The following GEMIN2 variants were observed in gnomAD, a reference collection of about 807,000 sequenced individuals.
GEMIN2 encodes gem nuclear organelle associated protein 2, also known as gem-associated protein 2.
Under a neutral mutation model 45.8 loss-of-function variants are expected in GEMIN2, and 37 were observed. The observed-to-expected ratio is 0.81, with a 90% CI of 0.62 to 1.06. GEMIN2 has a LOEUF of 1.06. GEMIN2 is among the 50% of genes least tolerant of loss of function. The pLI is 0.00. For missense variants in GEMIN2, 335 were observed against 321.8 expected, an observed-to-expected ratio of 1.04 and a Z score of -0.31; for synonymous variants, 101 against 111.5, an observed-to-expected ratio of 0.91 and a Z score of 0.60.
Position 39,133,666 on chromosome 14 carries a change from C to T in GEMIN2, c.717C>T (p.Ser239=). The T allele has an allele frequency of 6.9e-7, 1 of 1,458,986 alleles. No individual in the cohort carries two copies. The highest frequency in any genetic ancestry group is 9.3e-7 in the Non-Finnish European group (1 of 1,078,398). 90.4% of individuals were successfully genotyped at this position (1,458,986 alleles called of 1,614,324 possible). ...TTTTCTTTTTTTTTTTTTAGGATAG[C>T]AAAGATGATGAGAGGGTTCCTGCTT... ...RCSEVRLLVD[S]KDDERVPALN... Residue 239 remains serine (S), a synonymous_variant, in exon 9 of 10, where the codon AGC becomes AGT. Transcript: ENST00000308317.
intron 5 of GEMIN2, among the ~76,000 whole-genome samples, chr14:39,122,938 A>T (rs1192756353): frequency 6.6e-6 from 1 of 152,178 alleles, no homozygotes; most frequent in African/African-American, 2.4e-5. Flanking sequence ...TAGTTTTTTT[A>T]AATGATGAGG....
chr14:39,118,418 C>T (rs1039068483), intron 3 of GEMIN2, 122 bp from the exon 4 acceptor site: 3 of 642,164 alleles, frequency 4.7e-6, no homozygotes, highest in Non-Finnish European at 8.6e-6. Context: ...TCTTTTACAT[C>T]TCACCCCCTC....
intron 6 of GEMIN2, among the ~76,000 whole-genome samples, chr14:39,127,389 CTGGAGTGCAG>C (rs1277734414): frequency 7.7e-6 from 1 of 129,362 alleles, no homozygotes; most frequent in Non-Finnish European, 1.6e-5. Flanking sequence ...GTTGCCCAGG[CTGGAGTGCAG>C]TGGCAAAATC....
intron 2 of GEMIN2, among the ~76,000 whole-genome samples, chr14:39,117,635 C>T (rs187264741): frequency 9.9e-5 from 15 of 152,228 alleles, no homozygotes; most frequent in African/African-American, 3.4e-4. Context: ...GTATTTCATA[C>T]CAGAATTCTT....
At chr14:39,124,509 G>T (rs2052615542) in intron 5 of GEMIN2, among the ~76,000 whole-genome samples, 1 of 152,112 alleles carries the variant, frequency 6.6e-6, no homozygotes, top group African/African-American at 2.4e-5. Context: ...GGTGGCTCAT[G>T]CCTGTAATCA....
At chr14:39,118,671 G>A (rs929488745) in intron 4 of GEMIN2, 72 bp downstream of exon 4, 17 of 685,284 alleles carry the variant, frequency 2.5e-5, no homozygotes, top group South Asian at 7.5e-5. Flanking sequence ...ACTTCCAGTC[G>A]TTAAAGATTC....
intron 4 of GEMIN2, among the ~76,000 whole-genome samples, chr14:39,119,827 T>G (rs1181322650): frequency 1.3e-5 from 2 of 152,212 alleles, no homozygotes; most frequent in Non-Finnish European, 2.9e-5. Flanking sequence ...TCATTTAACT[T>G]GTAAAAGGTA....
At chr14:39,126,893 GTAGCTAGGAC>G (rs1410232258) in intron 6 of GEMIN2, among the ~76,000 whole-genome samples, 1 of 151,986 alleles carries the variant, frequency 6.6e-6, no homozygotes, top group East Asian at 1.9e-4. Flanking sequence ...AGCCTCCCTA[GTAGCTAGGAC>G]TACAGGCGCA....
chr14:39,131,254 GCCATTGCACT>G (rs1172755253), intron 7 of GEMIN2, among the ~76,000 whole-genome samples: 2 of 151,832 alleles, frequency 1.3e-5, no homozygotes, highest in East Asian at 3.9e-4. Context: ...CCGAGATCGC[GCCATTGCACT>G]CCAGCCTGGG....
Position 39,132,068 on chromosome 14 carries a change from G to T in GEMIN2, c.711G>T (p.Val237=). The change falls in exon 8 of 10, where the codon GTG becomes GTT. Residue 237 remains valine (V), a splice_region_variant and synonymous_variant. Coordinates refer to ENST00000308317, the MANE Select transcript of GEMIN2 (RefSeq NM_003616.3). Reference sequence around the variant, plus strand: ...GGTGCTCTGAAGTGAGGCTCTTAGTGGTAAGTTGCAACTTACTGTTTAAAA... The same window carrying T: ...GGTGCTCTGAAGTGAGGCTCTTAGTTGTAAGTTGCAACTTACTGTTTAAAA... The part of the protein sequence containing the change: ...ARRCSEVRLL[V]DSKDDERVPA... 1 of 1,407,804 alleles carries T rather than the reference G, an allele frequency of 7.1e-7. No individual in the cohort carries two copies. The highest frequency in any genetic ancestry group is 1.0e-6 in the Non-Finnish European group (1 of 993,150). The allele number at this position is 1,407,804 out of a possible 1,614,324, so 87.2% of individuals were successfully genotyped here.
intron 4 of GEMIN2, 69 bp from the exon 5 acceptor site, chr14:39,122,361 C>CTTT: frequency 4.1e-6 from 3 of 726,252 alleles, no homozygotes; most frequent in Non-Finnish European, 6.9e-6. Flanking sequence ...GACTTAACTT[C>CTTT]TTTTTTTTTA....
At chr14:39,127,108 T>C (rs1346076849) in intron 6 of GEMIN2, among the ~76,000 whole-genome samples, 9 of 150,890 alleles carry the variant, frequency 6.0e-5, no homozygotes, top group Admixed American at 5.3e-4. Context: ...TTTTTTTTTT[T>C]TGAGACAGAG....
At chr14:39,124,945 A>G (rs764534656) in intron 5 of GEMIN2, 47 bp from the exon 6 acceptor site, 1 of 925,486 alleles carries the variant, frequency 1.1e-6, no homozygotes, top group Admixed American at 2.1e-5. Flanking sequence ...AAAAAAATGA[A>G]GCTTATAATA....
At chr14:39,117,129 G>T (rs991420681) in intron 2 of GEMIN2, among the ~76,000 whole-genome samples, 4 of 151,982 alleles carry the variant, frequency 2.6e-5, no homozygotes, top group African/African-American at 9.7e-5. Flanking sequence ...AAAATTAGCC[G>T]GGTGTGGTGG....
rs192342603 is a variant in GEMIN2 at position 39,131,696 on chromosome 14, A to G, written c.601-262A>G. ...TTCTGCTTACAAATGAGAACTTCCT[A>G]TCATAAGAATATCTGAAACAAACTC... On this transcript the variant is annotated intron_variant, in intron 7 of 9. Coordinates refer to ENST00000308317, the MANE Select transcript of GEMIN2 (RefSeq NM_003616.3). 3 of 341,328 alleles carry G rather than the reference A, an allele frequency of 8.8e-6. No homozygotes were observed. In the Admixed American group the frequency reaches 1.4e-4, roughly 16 times the overall value. 21.1% of individuals were successfully genotyped at this position (341,328 alleles called of 1,614,324 possible).
intron 9 of GEMIN2, among the ~76,000 whole-genome samples, chr14:39,135,961 C>G (rs1206856525): frequency 6.6e-6 from 1 of 151,982 alleles, no homozygotes; most frequent in South Asian, 2.1e-4. Context: ...TGGCTCAAGC[C>G]TGTAATTCCA....
Position 39,122,412 on chromosome 14 carries a change from T to TG in GEMIN2, c.373-18_373-17insG. The TG allele has an allele frequency of 7.6e-7, 1 of 1,315,076 alleles. No individual in the cohort carries two copies. Among genetic ancestry groups the TG allele is most frequent in the Non-Finnish European group, 1.1e-6 (1 of 925,874 alleles). The allele number at this position is 1,315,076 out of a possible 1,614,324, so 81.5% of individuals were successfully genotyped here. A position where few individuals can be genotyped will look rare whatever the true frequency, so the allele number is the denominator to read the frequency against. On this transcript the variant is annotated splice_polypyrimidine_tract_variant and intron_variant, in intron 4 of 9. Transcript: ENST00000308317. ...ATTAATACACAGGAATAAATCAGTTTTTTTTTTTTTCTTTTAGCCAAAATC... is the reference window on the plus strand; with the variant it reads ...ATTAATACACAGGAATAAATCAGTTTGTTTTTTTTTTCTTTTAGCCAAAATC...
In GEMIN2 at chr14:39,114,374, G is replaced by A. The variant is rs1228115645; in HGVS notation, c.36G>A (p.Glu12=). The A allele has an allele frequency of 1.2e-6, 2 of 1,613,860 alleles. No homozygotes were observed. Among genetic ancestry groups the A allele is most frequent in the African/African-American group, 1.3e-5 (1 of 74,950 alleles). The change falls in exon 1 of 10, where the codon GAG becomes GAA. Residue 12 remains glutamate (E), a synonymous_variant. Transcript: ENST00000308317. ...TACCAGCGGAGTCCGCAGTGGAAGAGTTGATGCCTCGGCTATTGCCGGTAG... is the reference window on the plus strand; with the variant it reads ...TACCAGCGGAGTCCGCAGTGGAAGAATTGATGCCTCGGCTATTGCCGGTAG... ...AWVPAESAVE[E]LMPRLLPVEP...
Position 39,124,487 on chromosome 14 carries a change from C to T in GEMIN2, c.487-505C>T, listed in dbSNP as rs542688877. Among the ~76,000 whole-genome samples the T allele has an allele frequency of 6.6e-5, 10 of 152,176 alleles. No homozygotes were observed. In the South Asian group the frequency reaches 2.1e-3, roughly 32 times the overall value. ...TACTTTATTTAAAAATTTACAAATT[C>T]AGACCAGGTGAGGTGGCTCATGCCT... On this transcript the variant is annotated intron_variant, in intron 5 of 9. Transcript: ENST00000308317.
Sources: allele counts gnomAD v4.1 joint callset (sites outside exome capture counted in the v4.1 genomes callset), GRCh38; gene constraint gnomAD v4.1.1; transcripts MANE v1.5; gene names NCBI Gene and HGNC (gene_info 2026-07-23, HGNC 2026-07-21).